The following PEX5L variants were observed in gnomAD, a reference collection of about 807,000 sequenced individuals.
The protein encoded by PEX5L is PEX5-related protein.
PEX5L carries 30 observed loss-of-function variants against 84.0 expected under a neutral mutation model. That is an observed-to-expected ratio of 0.36 (90% CI 0.27 to 0.48). The LOEUF is 0.48. PEX5L is among the 20% of genes least tolerant of loss of function. The pLI, the probability that PEX5L is intolerant of heterozygous loss-of-function variation, is 0.99. For synonymous variants in PEX5L, 270 were observed against 283.1 expected, an observed-to-expected ratio of 0.95 and a Z score of 0.46; for missense variants, 533 against 754.6, an observed-to-expected ratio of 0.71 and a Z score of 3.44.
chr3:179,893,356 T>C (rs1758182123), intron 3 of PEX5L, among the ~76,000 whole-genome samples: 1 of 152,170 alleles, frequency 6.6e-6, no homozygotes, highest in Admixed American at 6.6e-5. Flanking sequence ...TATTAAATAA[T>C]CTAAGCTATA....
intron 1 of PEX5L, among the ~76,000 whole-genome samples, chr3:179,984,229 T>C (rs1216313315): frequency 1.3e-5 from 2 of 152,126 alleles, no homozygotes; most frequent in African/African-American, 2.4e-5. Context: ...TATATTTCAA[T>C]GGAAAAATCT....
chr3:179,837,069 A>T (rs891003921), intron 8 of PEX5L, among the ~76,000 whole-genome samples: 1 of 152,170 alleles, frequency 6.6e-6, no homozygotes, highest in African/African-American at 2.4e-5. Flanking sequence ...TTGTATTCCT[A>T]TTCATTTCTT....
intron 2 of PEX5L, among the ~76,000 whole-genome samples, chr3:179,966,254 CCTTT>C (rs1783306796): frequency 6.6e-6 from 1 of 152,098 alleles, no homozygotes; most frequent in South Asian, 2.1e-4. Flanking sequence ...CAGGTGGTCT[CCTTT>C]CTGCAACTCT....
intron 8 of PEX5L, among the ~76,000 whole-genome samples, chr3:179,848,870 T>C (rs1265536747): frequency 6.6e-6 from 1 of 152,148 alleles, no homozygotes; most frequent in East Asian, 1.9e-4. Context: ...GGAGATGAGA[T>C]CTGAGTCAGA....
chr3:180,021,041 C>T (rs1790378078), intron 1 of PEX5L, among the ~76,000 whole-genome samples: 1 of 152,142 alleles, frequency 6.6e-6, no homozygotes, highest in African/African-American at 2.4e-5. Context: ...AGACAGAGTT[C>T]TGCACAGGCT....
intron 2 of PEX5L, among the ~76,000 whole-genome samples, chr3:179,949,250 A>G (rs919620114): frequency 1.3e-5 from 2 of 152,210 alleles, no homozygotes; most frequent in African/African-American, 4.8e-5. Context: ...AAAACCACTT[A>G]TTATTCCAGC....
chr3:179,969,899 T>C (rs901203588), intron 2 of PEX5L, among the ~76,000 whole-genome samples: 2 of 152,160 alleles, frequency 1.3e-5, no homozygotes, highest in Admixed American at 6.6e-5. Flanking sequence ...TGTTCTCTTA[T>C]TTTTTCTCTT....
intron 1 of PEX5L, among the ~76,000 whole-genome samples, chr3:180,018,439 C>CG (rs1372246617): frequency 6.6e-6 from 1 of 152,122 alleles, no homozygotes; most frequent in African/African-American, 2.4e-5. Context: ...AACTAACAGT[C>CG]GGTGCCTTGG....
chr3:179,943,755 G>A (rs772877817), intron 2 of PEX5L, among the ~76,000 whole-genome samples: 33 of 152,280 alleles, frequency 2.2e-4, no homozygotes, highest in Non-Finnish European at 4.3e-4. Context: ...ATTCTTAGAT[G>A]CTCAAGTCAG....
At chr3:179,818,243 A>C (rs1038705910) in intron 9 of PEX5L, among the ~76,000 whole-genome samples, 9 of 151,852 alleles carry the variant, frequency 5.9e-5, no homozygotes, top group Non-Finnish European at 1.2e-4. Flanking sequence ...ACTTATCTAT[A>C]TATAGTTTTT....
chr3:179,823,841 C>T (rs1274342994), intron 8 of PEX5L, among the ~76,000 whole-genome samples: 2 of 152,138 alleles, frequency 1.3e-5, no homozygotes, highest in East Asian at 3.8e-4. Context: ...GCATCTTTGT[C>T]TACATGGATT....
At chr3:179,995,567 C>T (rs1459209733) in intron 1 of PEX5L, among the ~76,000 whole-genome samples, 2 of 152,048 alleles carry the variant, frequency 1.3e-5, no homozygotes, top group African/African-American at 4.8e-5. Context: ...TACCTCTGAC[C>T]ATATGTGGAG....
chr3:179,974,187 G>A, intron 1 of PEX5L: 1 of 985,318 alleles, frequency 1.0e-6, no homozygotes, highest in African/African-American at 1.7e-5. Flanking sequence ...CACAGCTTCT[G>A]CGTGGTCTTT....
intron 2 of PEX5L, among the ~76,000 whole-genome samples, chr3:179,934,977 G>A (rs989368159): frequency 6.6e-6 from 1 of 151,790 alleles, no homozygotes; most frequent in Non-Finnish European, 1.5e-5. Context: ...CCTGATTTTG[G>A]CAGAAATAAC....
At position 179,819,887 on chromosome 3, in the gene PEX5L, G is replaced by A. The variant is rs139315656; in HGVS notation, c.912C>T (p.Asn304=). The change falls in exon 9 of 15, where the codon AAC becomes AAT. Residue 304 remains asparagine, a synonymous_variant. Coordinates refer to ENST00000467460, the MANE Select transcript of PEX5L (RefSeq NM_016559.3). ...NWISENQEAQ[N]QVTISASEKG... ...TCTCACTAGCCGAGATGGTTACTTG[G>A]TTCTGGGCTTCTTGGTTCTCAGATA... The A allele has an allele frequency of 1.8e-5, 29 of 1,613,890 alleles. No homozygotes were observed. The African/African-American group carries it at 3.3e-4, about 19-fold the overall frequency.
intron 2 of PEX5L, among the ~76,000 whole-genome samples, chr3:179,909,148 C>T (rs1294053943): frequency 6.6e-6 from 1 of 152,076 alleles, no homozygotes; most frequent in African/African-American, 2.4e-5. Flanking sequence ...CCTAGTCTTA[C>T]TGTTGCAGAG....
intron 1 of PEX5L, among the ~76,000 whole-genome samples, chr3:180,024,453 G>C (rs1579391982): frequency 6.8e-6 from 1 of 147,940 alleles, no homozygotes; most frequent in African/African-American, 2.5e-5. Flanking sequence ...GCTGAGGCAG[G>C]AGAATGGCGT....
intron 8 of PEX5L, among the ~76,000 whole-genome samples, chr3:179,854,860 GATAA>G (rs1165842040): frequency 6.6e-6 from 1 of 152,076 alleles, no homozygotes; most frequent in African/African-American, 2.4e-5. Flanking sequence ...ATTATAGACA[GATAA>G]ATAAATAAAA....
intron 2 of PEX5L, among the ~76,000 whole-genome samples, chr3:179,937,907 G>A (rs1026337280): frequency 6.6e-5 from 10 of 152,008 alleles, no homozygotes; most frequent in African/African-American, 2.2e-4. Flanking sequence ...AAAGTGGGGT[G>A]GGATCCACCA....
Sources: gnomAD v4.1 joint callset for allele counts (sites outside exome capture counted in the v4.1 genomes callset) on GRCh38, gnomAD v4.1.1 for gene constraint, MANE v1.5 for transcripts, NCBI Gene and HGNC (gene_info 2026-07-23, HGNC 2026-07-21) for gene names.